The following ROBO1 variants were observed in gnomAD, a reference collection of about 807,000 sequenced individuals.
ROBO1 encodes roundabout guidance receptor 1.
ROBO1 carries 149 observed loss-of-function variants against 195.9 expected under a neutral mutation model. The ratio of observed to expected loss-of-function variants is 0.76; its 90% CI spans 0.67 to 0.87. ROBO1 has a LOEUF of 0.87. Ranked by LOEUF, ROBO1 falls within the 40% of genes least tolerant of loss-of-function variation. The pLI, the probability that ROBO1 is intolerant of heterozygous loss-of-function variation, is 0.00. For missense variants in ROBO1, 1,933 were observed against 2,068.3 expected, an observed-to-expected ratio of 0.93 and a Z score of 1.27; for synonymous variants, 816 against 733.2, an observed-to-expected ratio of 1.11 and a Z score of -1.82.
intron 3 of ROBO1, among the ~76,000 whole-genome samples, chr3:79,111,478 C>T (rs1014957386): frequency 2.6e-5 from 4 of 152,090 alleles, no homozygotes; most frequent in Admixed American, 2.0e-4. Context: ...GGACCTGCCT[C>T]GCTTTGGGAA....
At chr3:79,139,498 G>T (rs2080478169) in intron 2 of ROBO1, among the ~76,000 whole-genome samples, 1 of 152,078 alleles carries the variant, frequency 6.6e-6, no homozygotes, top group African/African-American at 2.4e-5. Context: ...TAAACGTTTG[G>T]TTTAAGAAAG....
intron 3 of ROBO1, among the ~76,000 whole-genome samples, chr3:79,034,372 T>G (rs894884958): frequency 1.4e-4 from 21 of 152,164 alleles, no homozygotes; most frequent in African/African-American, 5.1e-4. Flanking sequence ...GGCCTGTTAG[T>G]CAGAAGCCAG....
chr3:79,514,945 A>G (rs1940878888), intron 2 of ROBO1, among the ~76,000 whole-genome samples: 2 of 152,246 alleles, frequency 1.3e-5, no homozygotes, highest in Non-Finnish European at 2.9e-5. Context: ...CACATATTTT[A>G]CTGCATTTTC....
chr3:79,133,681 G>A (rs1254595280), intron 2 of ROBO1, among the ~76,000 whole-genome samples: 3 of 97,182 alleles, frequency 3.1e-5, no homozygotes, highest in Non-Finnish European at 6.2e-5. Flanking sequence ...TCTTCTCTCA[G>A]CTCGTCAAAA....
At chr3:79,530,468 A>G (rs1303195158) in intron 2 of ROBO1, among the ~76,000 whole-genome samples, 1 of 152,174 alleles carries the variant, frequency 6.6e-6, no homozygotes, top group Non-Finnish European at 1.5e-5. Flanking sequence ...GTACATTGAG[A>G]GAAAGGCATT....
At chr3:79,115,887 C>CA (rs1443509101) in intron 3 of ROBO1, among the ~76,000 whole-genome samples, 5 of 151,920 alleles carry the variant, frequency 3.3e-5, no homozygotes, top group African/African-American at 9.7e-5. Context: ...TTGCTTCCAA[C>CA]AAAAAAATTA....
intron 2 of ROBO1, among the ~76,000 whole-genome samples, chr3:79,237,012 ACT>A (rs1001903437): frequency 3.3e-5 from 5 of 152,288 alleles, no homozygotes; most frequent in African/African-American, 1.2e-4. Context: ...GAATTTGAGC[ACT>A]CTCAAAAAGT....
In ROBO1 at chr3:78,670,229, A is replaced by T. The variant is rs747717206; in HGVS notation, c.1415T>A (p.Phe472Tyr). ...VNQTVAVDGTFVLSCVATGSP... is the reference protein window; with the variant it reads ...VNQTVAVDGTYVLSCVATGSP... ...GCCTGTGGCCACACAGCTGAGGACG[A>T]AAGTGCCATCCACGGCTACAGTCTG... Residue 472 changes from phenylalanine to tyrosine, a missense_variant, in exon 11 of 31, where the codon TTC (phenylalanine) becomes TAC (tyrosine). Coordinates refer to ENST00000464233, the MANE Select transcript of ROBO1 (RefSeq NM_002941.4). 36 of 1,605,082 alleles carry T rather than the reference A, an allele frequency of 2.2e-5. No homozygotes were observed. The East Asian group carries it at 8.1e-4, about 36-fold the overall frequency.
At chr3:79,321,934 C>A (rs1049168888) in intron 2 of ROBO1, among the ~76,000 whole-genome samples, 14 of 152,138 alleles carry the variant, frequency 9.2e-5, no homozygotes, top group Admixed American at 8.5e-4. Flanking sequence ...GTATCAGAAT[C>A]ACCCAGTTTT....
chr3:78,944,914 G>T (rs116484725), intron 3 of ROBO1, among the ~76,000 whole-genome samples: 1 of 152,172 alleles, frequency 6.6e-6, no homozygotes, highest in Non-Finnish European at 1.5e-5. Context: ...CTTGCTCATT[G>T]CTAGCACAGC....
At position 78,657,373 on chromosome 3, in the gene ROBO1, C is replaced by T. The variant is rs867185450; in HGVS notation, c.2443-104G>A. On this transcript the variant is annotated intron_variant, in intron 17 of 30. Coordinates refer to ENST00000464233, the MANE Select transcript of ROBO1 (RefSeq NM_002941.4). The stretch of plus-strand genomic sequence containing the variant: ...AGACCCAGACAGAGTACTAAACTGT[C>T]ATGCACTACCATAAGAAGTTTCCAA... The T allele has an allele frequency of 1.3e-4, 137 of 1,062,940 alleles. 2 individuals carry two copies. The Middle Eastern group carries it at 1.5e-3, about 12-fold the overall frequency. The allele number at this position is 1,062,940 out of a possible 1,614,324, so 65.8% of individuals were successfully genotyped here.
chr3:78,919,751 C>T (rs1442567380), intron 4 of ROBO1, among the ~76,000 whole-genome samples: 1 of 152,132 alleles, frequency 6.6e-6, no homozygotes, highest in African/African-American at 2.4e-5. Flanking sequence ...AAATTATAGG[C>T]CTTAATAAAG....
chr3:79,526,337 A>C (rs939294495), intron 2 of ROBO1, among the ~76,000 whole-genome samples: 12 of 152,198 alleles, frequency 7.9e-5, no homozygotes, highest in Non-Finnish European at 1.8e-4. Context: ...ATGGGTTCTA[A>C]AATCTGTCTC....
At chr3:78,953,656 T>C (rs1243379424) in intron 3 of ROBO1, among the ~76,000 whole-genome samples, 1 of 151,946 alleles carries the variant, frequency 6.6e-6, no homozygotes, top group African/African-American at 2.4e-5. Context: ...TAGAGGGACA[T>C]AAACTACTGT....
intron 4 of ROBO1, among the ~76,000 whole-genome samples, chr3:78,758,525 C>CAAAAA (rs5850391): frequency 1.9e-4 from 16 of 85,282 alleles, no homozygotes; most frequent in African/African-American, 7.5e-4. Flanking sequence ...GACCCTATCT[C>CAAAAA]AAAAAAAAAA....
chr3:78,990,950 C>T (rs1389550295), intron 3 of ROBO1, among the ~76,000 whole-genome samples: 1 of 151,952 alleles, frequency 6.6e-6, no homozygotes, highest in Non-Finnish European at 1.5e-5. Flanking sequence ...ATTTAAATTG[C>T]CTTTGTAATA....
chr3:78,798,371 A>G (rs2084249889), intron 4 of ROBO1, among the ~76,000 whole-genome samples: 1 of 152,176 alleles, frequency 6.6e-6, no homozygotes. Flanking sequence ...AATACCTAAA[A>G]TTACTAAGTA....
chr3:78,972,606 G>T (rs184024326), intron 3 of ROBO1, among the ~76,000 whole-genome samples: 2 of 152,232 alleles, frequency 1.3e-5, no homozygotes, highest in African/African-American at 4.8e-5. Flanking sequence ...TCATGGATTG[G>T]TTTAAAAGAT....
At chr3:78,618,442 A>T (rs1704256047) in intron 26 of ROBO1, among the ~76,000 whole-genome samples, 1 of 152,228 alleles carries the variant, frequency 6.6e-6, no homozygotes, top group South Asian at 2.1e-4. Context: ...TTCATCCTGA[A>T]ACACTTTGCT....
Sources: allele counts gnomAD v4.1 joint callset (sites outside exome capture counted in the v4.1 genomes callset), GRCh38; gene constraint gnomAD v4.1.1; transcripts MANE v1.5; gene names NCBI Gene and HGNC (gene_info 2026-07-23, HGNC 2026-07-21).